Variants in KIAA1328 observed in about 807,000 individuals in gnomAD.
KIAA1328 encodes the protein KIAA1328, also known as protein hinderin.
KIAA1328 carries 52 observed loss-of-function variants against 68.1 expected under a neutral mutation model. The ratio of observed to expected loss-of-function variants is 0.76; its 90% confidence interval spans 0.61 to 0.96. The LOEUF is 0.96. Ranked by LOEUF, KIAA1328 falls within the 40% of genes least tolerant of loss-of-function variation. KIAA1328 has a pLI of 0.00. For synonymous variants in KIAA1328, 232 were observed against 239.4 expected (o/e 0.97, Z 0.28); for missense variants, 641 against 677.6 (o/e 0.95, Z 0.60).
chr18:36,885,486 A>G, intron 4 of KIAA1328, 71 bp from the exon 5 acceptor site: 1 of 822,130 alleles, frequency 1.2e-6, no homozygotes, highest in Non-Finnish European at 1.8e-6. Context: ...CTGGTTTTGT[A>G]AACTGCAGCT....
chr18:37,152,486 C>T (rs1259805523), intron 7 of KIAA1328, among the ~76,000 whole-genome samples: 1 of 152,078 alleles, frequency 6.6e-6, no homozygotes, highest in Non-Finnish European at 1.5e-5. Flanking sequence ...AGTTTGTGTT[C>T]AGCTTTTAGG....
At chr18:37,186,325 G>A (rs1217925793) in intron 9 of KIAA1328, among the ~76,000 whole-genome samples, 1 of 151,652 alleles carries the variant, frequency 6.6e-6, no homozygotes. Context: ...CAACACTTTG[G>A]GAGGCCAAGG....
intron 6 of KIAA1328, among the ~76,000 whole-genome samples, chr18:36,995,889 T>C (rs1466044232): frequency 6.6e-6 from 1 of 152,222 alleles, no homozygotes; most frequent in South Asian, 2.1e-4. Context: ...AAGTAAAGTG[T>C]ACAGCTTCCA....
intron 4 of KIAA1328, among the ~76,000 whole-genome samples, chr18:36,867,212 G>A (rs55752284): frequency 0.14 from 20,716 of 152,134 alleles, 1,756 homozygotes; most frequent in Admixed American, 0.18. Context: ...TGAGTTCACT[G>A]TTCTCACTAT....
At chr18:37,021,031 G>T (rs2054326865) in intron 6 of KIAA1328, among the ~76,000 whole-genome samples, 1 of 152,158 alleles carries the variant, frequency 6.6e-6, no homozygotes, top group Admixed American at 6.5e-5. Flanking sequence ...TAAATGACCA[G>T]ACTTGCCCTA....
At chr18:37,058,612 T>C (rs2151698463) in intron 6 of KIAA1328, among the ~76,000 whole-genome samples, 1 of 152,062 alleles carries the variant, frequency 6.6e-6, no homozygotes. Context: ...CTTGGGAGGC[T>C]GAGGCAAGAG....
At chr18:36,998,351 G>GATA (rs2053470975) in intron 6 of KIAA1328, among the ~76,000 whole-genome samples, 3 of 152,106 alleles carry the variant, frequency 2.0e-5, no homozygotes, top group Admixed American at 2.0e-4. Context: ...CAACATTGAT[G>GATA]CACACCACTC....
chr18:37,005,232 T>C (rs1481092997), intron 6 of KIAA1328, among the ~76,000 whole-genome samples: 1 of 151,880 alleles, frequency 6.6e-6, no homozygotes, highest in Non-Finnish European at 1.5e-5. Context: ...CCAAAACCTA[T>C]AGAAACAAAA....
intron 9 of KIAA1328, among the ~76,000 whole-genome samples, chr18:37,180,231 A>G (rs2059674116): frequency 6.6e-6 from 1 of 152,170 alleles, no homozygotes; most frequent in African/African-American, 2.4e-5. Context: ...TTGCATCACA[A>G]TCCTGTGAGG....
intron 9 of KIAA1328, among the ~76,000 whole-genome samples, chr18:37,173,932 C>T (rs2059547374): frequency 6.6e-6 from 1 of 152,150 alleles, no homozygotes; most frequent in Admixed American, 6.6e-5. Flanking sequence ...GAAGCCAAAC[C>T]TAGGAAACAG....
intron 5 of KIAA1328, among the ~76,000 whole-genome samples, chr18:36,903,297 T>G (rs2049102817): frequency 6.6e-6 from 1 of 152,046 alleles, no homozygotes; most frequent in Non-Finnish European, 1.5e-5. Flanking sequence ...TTTTATTTTA[T>G]TAAAGGCAGA....
At chr18:37,147,316 G>A (rs768679825) in intron 7 of KIAA1328, among the ~76,000 whole-genome samples, 20 of 151,974 alleles carry the variant, frequency 1.3e-4, no homozygotes, top group Non-Finnish European at 2.2e-4. Flanking sequence ...TCAACATGTG[G>A]GCCATCTTTT....
At chr18:36,925,029 C>G (rs748958238) in intron 5 of KIAA1328, 1 of 152,110 alleles carries the variant, frequency 6.6e-6, no homozygotes, top group Non-Finnish European at 1.5e-5. Flanking sequence ...AGAACTGATA[C>G]GGCCTTCAGA....
chr18:37,066,840 C>G (rs765200139), intron 6 of KIAA1328, 50 bp from the exon 7 acceptor site: 1 of 1,452,590 alleles, frequency 6.9e-7, no homozygotes, highest in Admixed American at 2.7e-5. Flanking sequence ...AACGAAAGAA[C>G]TTGTTTTGTT....
chr18:36,933,940 C>G (rs1010024027), intron 5 of KIAA1328, among the ~76,000 whole-genome samples: 2 of 152,156 alleles, frequency 1.3e-5, no homozygotes, highest in African/African-American at 4.8e-5. Context: ...GGGGGATAGG[C>G]GCCTGTGGCC....
At chr18:37,138,947 T>TC (rs1322711429) in intron 7 of KIAA1328, among the ~76,000 whole-genome samples, 1 of 127,250 alleles carries the variant, frequency 7.9e-6, no homozygotes, top group African/African-American at 2.8e-5. Flanking sequence ...GAAATTTTGT[T>TC]CTTTTTTTTT....
In KIAA1328 at chr18:36,968,741, T is replaced by C. The variant is rs572596563; in HGVS notation, c.576+9306T>C. On this transcript the variant is annotated intron_variant, in intron 6 of 9. Coordinates refer to ENST00000280020, the MANE Select transcript of KIAA1328 (RefSeq NM_020776.3). ...TTAGACAGATCCTTAAGTCAGAAAA[T>C]TAACAAAGATATTCAGGACCTGAAC... 8.5e-5 allele frequency among the ~76,000 whole-genome samples: 13 copies of C among 152,200 alleles called. No individual in the cohort carries two copies. In the South Asian group the frequency reaches 2.3e-3, roughly 27 times the overall value.
intron 5 of KIAA1328, among the ~76,000 whole-genome samples, chr18:36,908,502 G>A (rs1389010063): frequency 6.6e-6 from 1 of 152,032 alleles, no homozygotes. Context: ...ACCACACCTG[G>A]CTAATTTAAA....
chr18:36,909,219 A>G (rs372087244), intron 5 of KIAA1328, among the ~76,000 whole-genome samples: 1 of 151,998 alleles, frequency 6.6e-6, no homozygotes, highest in East Asian at 1.9e-4. Context: ...TGCCATGTTG[A>G]TGTGCTGCAC....
Sources: allele counts gnomAD v4.1 joint callset (sites outside exome capture counted in the v4.1 genomes callset), GRCh38; gene constraint gnomAD v4.1.1; transcripts MANE v1.5; gene names NCBI Gene and HGNC (gene_info 2026-07-23, HGNC 2026-07-21).